Variants in FNTB observed in about 807,000 individuals in gnomAD.
FNTB encodes the protein protein farnesyltransferase subunit beta.
Under a neutral mutation model 59.4 loss-of-function variants are expected in FNTB, and 27 were observed. That is an observed-to-expected ratio of 0.45 (90% CI 0.34 to 0.63). FNTB has a LOEUF of 0.63. Ranked by LOEUF, FNTB falls within the 20% of genes least tolerant of loss-of-function variation. FNTB has a pLI of 0.02. For missense variants in FNTB, 449 were observed against 559.6 expected, an observed-to-expected ratio of 0.80 and a Z score of 1.99; for synonymous variants, 230 against 220.7, an observed-to-expected ratio of 1.04 and a Z score of -0.37.
intron 1 of FNTB, among the ~76,000 whole-genome samples, chr14:64,995,209 G>T (rs926212536): frequency 1.3e-5 from 2 of 152,154 alleles, no homozygotes; most frequent in African/African-American, 2.4e-5. Context: ...ACAGTGATAG[G>T]CATGGAGCTG....
chr14:65,021,615 T>C (rs1285095910), intron 4 of FNTB, among the ~76,000 whole-genome samples: 2 of 152,132 alleles, frequency 1.3e-5, no homozygotes, highest in African/African-American at 2.4e-5. Context: ...TGAGCCCCAG[T>C]GTCAACAGTT....
rs1159703173 is a variant in FNTB, at chr14:65,007,358, CTTGT to C, written c.209+3050_209+3053del. On this transcript the variant is annotated intron_variant, in intron 2 of 11. Coordinates refer to ENST00000246166, the MANE Select transcript of FNTB (RefSeq NM_002028.4). The surrounding 1 kb of genome is among the most constrained non-coding windows in gnomAD (Gnocchi z 4.9). Reference sequence around the variant, plus strand: ...TTAGCAGTAAATCTAGATGGCAGGGCTTGTTTGTGTGTCTGAGGTCATGATGCTG... The same window carrying C: ...TTAGCAGTAAATCTAGATGGCAGGGCTTGTGTGTCTGAGGTCATGATGCTG... Among the ~76,000 whole-genome samples the C allele has an allele frequency of 1.3e-5, 2 of 152,172 alleles. No homozygotes were observed. Among genetic ancestry groups the C allele is most frequent in the Non-Finnish European group, 2.9e-5 (2 of 68,040 alleles).
At chr14:64,988,945 AT>A (rs1191297130) in intron 1 of FNTB, among the ~76,000 whole-genome samples, 1 of 152,104 alleles carries the variant, frequency 6.6e-6, no homozygotes, top group Non-Finnish European at 1.5e-5. Flanking sequence ...ACAGTGCTAA[AT>A]GCTCTCCATA....
intron 7 of FNTB, among the ~76,000 whole-genome samples, chr14:65,036,786 T>C (rs2062202582): frequency 6.6e-6 from 1 of 151,980 alleles, no homozygotes; most frequent in South Asian, 2.1e-4. Flanking sequence ...CTCAGGTGCC[T>C]GCCACCATGC....
Position 65,054,660 on chromosome 14 carries a change from G to A in FNTB, c.1153G>A (p.Val385Met), listed in dbSNP as rs147425358. The A allele has an allele frequency of 2.5e-5, 40 of 1,612,916 alleles. No homozygotes were observed. The highest frequency in any genetic ancestry group is 6.7e-5 in the Admixed American group (4 of 59,916). Residue 385 changes from valine to methionine, a missense_variant, in exon 11 of 12, where the codon GTG (valine) becomes ATG (methionine). Val to Met is a conservative substitution (Grantham distance 21, BLOSUM62 1). This residue lies in a region of FNTB where 337 missense variants were observed against 479.1 expected (regional missense o/e 0.70). Transcript: ENST00000246166. The surrounding 1 kb of genome is among the most constrained non-coding windows in gnomAD (Gnocchi z 4.4). ...CGGCAGCGGAGCCATGTTGCATGAT[G>A]TGGTCCTGGGTGTGCCCGAAAACGC... ...HFGSGAMLHD[V>M]VLGVPENALQ... is the part of the protein sequence containing the mutation.
In FNTB at chr14:65,012,532, G is replaced by T; in HGVS notation, c.282+143G>T. The T allele has an allele frequency of 8.6e-7, 1 of 1,161,192 alleles. No homozygotes were observed. Among genetic ancestry groups the T allele is most frequent in the South Asian group, 1.5e-5 (1 of 68,600 alleles). 71.9% of individuals were successfully genotyped at this position (1,161,192 alleles called of 1,614,324 possible). ...CTGTGGCTCTGGCAGGAGGTAGGGT[G>T]CTGTCACAGAGCTGGGACTCAGCCC... On this transcript the variant is annotated intron_variant, in intron 3 of 11. Coordinates refer to ENST00000246166, the MANE Select transcript of FNTB (RefSeq NM_002028.4). This position sits in a 1 kb window ranked among gnomAD's most constrained non-coding sequence, Gnocchi z 5.0.
In FNTB at chr14:65,012,381, G is replaced by A. The variant is rs1471137484; in HGVS notation, c.274G>A (p.Ala92Thr). 3.1e-6 allele frequency: 5 copies of A among 1,614,134 alleles called. No individual in the cohort carries two copies. Among genetic ancestry groups the A allele is most frequent in the South Asian group, 2.2e-5 (2 of 91,084 alleles). Residue 92 changes from alanine to threonine, a missense_variant, in exon 3 of 12, where the codon GCC (alanine) becomes ACC (threonine). This residue lies in a region of FNTB where 337 missense variants were observed against 479.1 expected (regional missense o/e 0.70). Coordinates refer to ENST00000246166, the MANE Select transcript of FNTB (RefSeq NM_002028.4). The surrounding 1 kb of genome is among the most constrained non-coding windows in gnomAD (Gnocchi z 5.0). ...LKRGLRQLTD[A>T]YECLDASRPW... ...AAGAGGCCTTCGACAACTGACAGAT[G>A]CCTATGAGGTAAACACATTACCCAG...
At chr14:65,057,835 CAT>C (rs1401266523) in intron 11 of FNTB, among the ~76,000 whole-genome samples, 2 of 152,210 alleles carry the variant, frequency 1.3e-5, no homozygotes, top group Non-Finnish European at 2.9e-5. Flanking sequence ...ATGTGTATCT[CAT>C]GTGTACCACA....
chr14:65,054,763 A>G lies in FNTB; in HGVS notation c.1182+74A>G, dbSNP rs147667395. On this transcript the variant is annotated intron_variant, in intron 11 of 11. Transcript: ENST00000246166. This position sits in a 1 kb window ranked among gnomAD's most constrained non-coding sequence, Gnocchi z 4.4. Reference sequence around the variant, plus strand: ...GACAGAAGGCTTTCCAAGTAAGCAGAACTGGCTCTGCATTTCCTGTGTGGA... The same window carrying G: ...GACAGAAGGCTTTCCAAGTAAGCAGGACTGGCTCTGCATTTCCTGTGTGGA... 4.4e-4 allele frequency: 648 copies of G among 1,480,378 alleles called. 1 individual carries two copies. Among genetic ancestry groups the G allele is most frequent in the Non-Finnish European group, 5.7e-4 (619 of 1,086,352 alleles). The allele number at this position is 1,480,378 out of a possible 1,614,324, so 91.7% of individuals were successfully genotyped here.
Position 65,027,827 on chromosome 14 carries a change from C to T in FNTB, c.605+46C>T. On this transcript the variant is annotated intron_variant, in intron 6 of 11. Transcript: ENST00000246166. This position sits in a 1 kb window ranked among gnomAD's most constrained non-coding sequence, Gnocchi z 5.7. Reference sequence around the variant, plus strand: ...GCTGCCACATCAGTTGACTCTAGAGCTCATCTGCCATTAGAGATGCCAAGC... The same window carrying T: ...GCTGCCACATCAGTTGACTCTAGAGTTCATCTGCCATTAGAGATGCCAAGC... The T allele has an allele frequency of 6.2e-7, 1 of 1,610,606 alleles. No individual in the cohort carries two copies. The highest frequency in any genetic ancestry group is 8.5e-7 in the Non-Finnish European group (1 of 1,177,574).
chr14:65,059,101 C>T (rs942426302), intron 11 of FNTB, among the ~76,000 whole-genome samples: 1 of 152,148 alleles, frequency 6.6e-6, no homozygotes, highest in Non-Finnish European at 1.5e-5. Flanking sequence ...TAGCTCACTG[C>T]AGCCTGGAAC....
In FNTB at chr14:65,044,440, C is replaced by A; in HGVS notation, c.952C>A (p.Gln318Lys). The A allele has an allele frequency of 6.2e-7, 1 of 1,606,462 alleles. No individual in the cohort carries two copies. The change falls in exon 9 of 12, where the codon CAA becomes AAA. Residue 318 changes from glutamine (Q) to lysine (K), a missense_variant. Physicochemically the swap from Gln to Lys is moderately conservative, Grantham distance 53 (BLOSUM62 1). Around this residue, in one of 2 missense-constraint regions of FNTB, gnomAD observed 337 missense variants for 479.1 expected, o/e 0.70. Coordinates refer to ENST00000246166, the MANE Select transcript of FNTB (RefSeq NM_002028.4). The surrounding 1 kb of genome is among the most constrained non-coding windows in gnomAD (Gnocchi z 5.5). The part of the protein sequence containing the change: ...LPLLHRALHA[Q>K]GDPALSMSHW... ...CCTGCTCCACCGCGCACTGCACGCC[C>A]AAGGTGAGCCTGGGGAGCTGTTCAC...
At chr14:65,021,863 CT>C (rs2061892816) in intron 4 of FNTB, 2 of 448,158 alleles carry the variant, frequency 4.5e-6, no homozygotes, top group Non-Finnish European at 9.0e-6. Flanking sequence ...CCAGGCTGGT[CT>C]CAAACTCCTG....
chr14:65,004,738 C>T (rs969503760), intron 2 of FNTB, among the ~76,000 whole-genome samples: 2 of 152,086 alleles, frequency 1.3e-5, no homozygotes, highest in African/African-American at 4.8e-5. Flanking sequence ...TCTCGGCTCT[C>T]TGGAACCTTC....
chr14:65,053,322 C>A lies in FNTB; in HGVS notation c.1040C>A (p.Ala347Glu). 2 of 1,437,342 alleles carry A rather than the reference C, an allele frequency of 1.4e-6. No homozygotes were observed. Among genetic ancestry groups the A allele is most frequent in the Admixed American group, 2.6e-5 (1 of 38,798 alleles). The allele number at this position is 1,437,342 out of a possible 1,614,324, so 89.0% of individuals were successfully genotyped here. A position where few individuals can be genotyped will look rare whatever the true frequency, so the allele number is the denominator to read the frequency against. ...EYILMCCQCP[A>E]GGLLDKPGKS... ...ATCCTGATGTGCTGCCAGTGCCCTG[C>A]GGGGGGGCTTCTGGATAAACCTGGC... Residue 347 changes from alanine (A) to glutamate (E), a missense_variant, in exon 10 of 12, where the codon GCG becomes GAG. Ala to Glu is a moderately radical substitution (Grantham distance 107). Around this residue, in one of 2 missense-constraint regions of FNTB, gnomAD observed 337 missense variants for 479.1 expected, o/e 0.70. Transcript: ENST00000246166.
chr14:64,993,262 T>A (rs1416087846), intron 1 of FNTB, among the ~76,000 whole-genome samples: 2 of 152,116 alleles, frequency 1.3e-5, no homozygotes, highest in Non-Finnish European at 2.9e-5. Context: ...ACTCCATCTC[T>A]AAAAAAAGTA....
Position 65,044,457 on chromosome 14 carries a change from G to A in FNTB, c.955+14G>A, listed in dbSNP as rs182475561. On this transcript the variant is annotated intron_variant, in intron 9 of 11. Coordinates refer to ENST00000246166, the MANE Select transcript of FNTB (RefSeq NM_002028.4). This position sits in a 1 kb window ranked among gnomAD's most constrained non-coding sequence, Gnocchi z 5.5. ...TGCACGCCCAAGGTGAGCCTGGGGA[G>A]CTGTTCACTTGGGGCTGGATGATTT... 1.3e-3 allele frequency: 2,023 copies of A among 1,595,954 alleles called. 24 individuals are homozygous for A. In the African/African-American group the frequency reaches 0.022, roughly 17 times the overall value.
chr14:65,044,431 C>A lies in FNTB; in HGVS notation c.943C>A (p.Leu315Met). Residue 315 changes from leucine (L) to methionine (M), a missense_variant, in exon 9 of 12, where the codon CTG becomes ATG. Physicochemically the swap from Leu to Met is conservative, Grantham distance 15. Coordinates refer to ENST00000246166, the MANE Select transcript of FNTB (RefSeq NM_002028.4). This position sits in a 1 kb window ranked among gnomAD's most constrained non-coding sequence, Gnocchi z 5.5. ...GCTCCTGCCCCTGCTCCACCGCGCA[C>A]TGCACGCCCAAGGTGAGCCTGGGGA... ...AGLLPLLHRA[L>M]HAQGDPALSM... The A allele has an allele frequency of 1.9e-6, 3 of 1,610,496 alleles. No homozygotes were observed. Among genetic ancestry groups the A allele is most frequent in the Non-Finnish European group, 2.5e-6 (3 of 1,178,650 alleles).
chr14:65,021,907 A>C (rs1009098235), intron 4 of FNTB: 1 of 455,866 alleles, frequency 2.2e-6, no homozygotes, highest in Non-Finnish European at 4.4e-6. Context: ...CGGCCTCCCA[A>C]AGTGCTAGGA....
Sources: allele counts gnomAD v4.1 joint callset (sites outside exome capture counted in the v4.1 genomes callset), GRCh38; gene constraint gnomAD v4.1.1; regional missense constraint gnomAD v4.1.1; non-coding constraint Gnocchi (gnomAD v3.1); transcripts MANE v1.5; gene names NCBI Gene and HGNC (gene_info 2026-07-23, HGNC 2026-07-21).